The following RPS3A variants were observed in gnomAD, a reference collection of about 807,000 sequenced individuals.
RPS3A encodes ribosomal protein S3A.
Under a neutral mutation model 26.4 loss-of-function variants are expected in RPS3A, and 1 was observed. The observed-to-expected ratio is 0.04, with a 90% CI of 0.01 to 0.18. The LOEUF (loss-of-function observed/expected upper bound fraction) is 0.18, where lower values mean the gene tolerates loss of function less well. Ranked by LOEUF, RPS3A falls within the 10% of genes least tolerant of loss-of-function variation. The pLI, the probability that RPS3A is intolerant of heterozygous loss-of-function variation, is 1.00. For missense variants in RPS3A, 139 were observed against 326.8 expected (o/e 0.43, Z 4.43); for synonymous variants, 97 against 106.1 (o/e 0.91, Z 0.53).
chr4:151,100,532 C>T lies in RPS3A; in HGVS notation c.110C>T (p.Ala37Val). ...GATTGGTATGATGTGAAAGCACCTGCTATGTTCAATATAAGAAATATTGGA... is the reference window on the plus strand; with the variant it reads ...GATTGGTATGATGTGAAAGCACCTGTTATGTTCAATATAAGAAATATTGGA... Reference protein sequence around the residue: ...KKDWYDVKAPAMFNIRNIGKT... With the variant: ...KKDWYDVKAPVMFNIRNIGKT... Residue 37 changes from alanine to valine, a missense_variant, in exon 2 of 6, where the codon GCT (alanine) becomes GTT (valine). This residue lies in a region of RPS3A where 35 missense variants were observed against 60.1 expected (regional missense o/e 0.58). Transcript: ENST00000274065. 2 of 1,609,400 alleles carry T rather than the reference C, an allele frequency of 1.2e-6. No individual in the cohort carries two copies. The highest frequency in any genetic ancestry group is 1.7e-6 in the Non-Finnish European group (2 of 1,175,714).
At position 151,100,964 on chromosome 4, in the gene RPS3A, T is replaced by A; in HGVS notation, c.167-11T>A. On this transcript the variant is annotated splice_polypyrimidine_tract_variant and intron_variant, in intron 2 of 5. Coordinates refer to ENST00000274065, the MANE Select transcript of RPS3A (RefSeq NM_001006.5). ...CCTAAATGTTAAGATACTTGTTTTT[T>A]TCTTTTGTAGAAATTGCATCTGATG... 6.4e-7 allele frequency: 1 copy of A among 1,562,888 alleles called. No homozygotes were observed. The highest frequency in any genetic ancestry group is 8.7e-7 in the Non-Finnish European group (1 of 1,155,182).
intron 1 of RPS3A, chr4:151,099,971 G>C: frequency 1.5e-6 from 1 of 664,798 alleles, no homozygotes; most frequent in Admixed American, 2.0e-5. Context: ...TGGAATGTTA[G>C]TTTTGTGGGC....
intron 5 of RPS3A, 92 bp from the exon 6 acceptor site, chr4:151,104,379 TC>T: frequency 4.0e-6 from 6 of 1,513,128 alleles, no homozygotes; most frequent in Non-Finnish European, 4.4e-6. Context: ...TTCTTTTTCT[TC>T]CTGTCATGCT....
Position 151,103,420 on chromosome 4 carries a change from A to AT in RPS3A, c.563+348dup, listed in dbSNP as rs1561165389. 1.2e-5 allele frequency: 9 copies of AT among 741,680 alleles called. No individual in the cohort carries two copies. The South Asian group carries it at 2.8e-4, about 23-fold the overall frequency. 45.9% of individuals were successfully genotyped at this position (741,680 alleles called of 1,614,324 possible). On this transcript the variant is annotated intron_variant, in intron 4 of 5. Transcript: ENST00000274065. The stretch of plus-strand genomic sequence containing the variant: ...AGGGGACTGCCACCATACCCAGCTA[A>AT]TTTTTTTAAATTTTTAGTAGAGATG...
In RPS3A at chr4:151,104,247, G is replaced by A. The variant is rs772000940; in HGVS notation, c.634G>A (p.Val212Ile). The change falls in exon 5 of 6, where the codon GTT becomes ATT. Residue 212 changes from valine to isoleucine, a missense_variant. Around this residue, in one of 3 missense-constraint regions of RPS3A, gnomAD observed 96 missense variants for 209.8 expected, o/e 0.46. Transcript: ENST00000274065. ...QSIYPLHDVF[V>I]RKVKMLKKPK... ...TATTTATCCTCTCCATGATGTCTTC[G>A]TTAGAAAAGTAAAAATGCTGAAGAA... 7.4e-6 allele frequency: 12 copies of A among 1,613,234 alleles called. No homozygotes were observed. Among genetic ancestry groups the A allele is most frequent in the Non-Finnish European group, 9.3e-6 (11 of 1,179,810 alleles).
chr4:151,103,726 A>T (rs1282802475), intron 4 of RPS3A: 2 of 1,119,920 alleles, frequency 1.8e-6, no homozygotes, highest in Non-Finnish European at 2.3e-6. Context: ...ATATAGGGAG[A>T]CCCTGTCCCA....
rs1747192968 is a variant in RPS3A at position 151,102,873 on chromosome 4, A to T, written c.357A>T (p.Thr119=). Residue 119 remains threonine (T), a splice_region_variant and synonymous_variant, in exon 4 of 6, where the codon ACA becomes ACT. Transcript: ENST00000274065. The part of the protein sequence containing the change: ...KMCSMVKKWQ[T]MIEAHVDVKT... Reference sequence around the variant, plus strand: ...CTGACGGTATCTTTTTTCTCCAGACAATGATTGAAGCTCACGTTGATGTCA... The same window carrying T: ...CTGACGGTATCTTTTTTCTCCAGACTATGATTGAAGCTCACGTTGATGTCA... 1.9e-6 allele frequency: 3 copies of T among 1,609,638 alleles called. No individual in the cohort carries two copies. The highest frequency in any genetic ancestry group is 2.5e-6 in the Non-Finnish European group (3 of 1,177,956).
chr4:151,101,251 T>G (rs1407609419), intron 3 of RPS3A, 89 bp downstream of exon 3: 3 of 734,338 alleles, frequency 4.1e-6, no homozygotes, highest in African/African-American at 1.8e-5. Flanking sequence ...CAAGTTCATT[T>G]TATTTATTTA....
In RPS3A at chr4:151,104,586, C is replaced by A; in HGVS notation, c.788C>A (p.Ser263Tyr). ...ADGYEPPVQESV is the reference protein window; with the variant it reads ...ADGYEPPVQEYV ...GGATATGAACCACCAGTCCAAGAAT[C>A]TGTTTAAAGTTCAGACTTCAAATAG... Residue 263 changes from serine to tyrosine, a missense_variant, in exon 6 of 6, where the codon TCT becomes TAT. Ser to Tyr is a moderately radical substitution (Grantham distance 144). Transcript: ENST00000274065. 6.4e-7 allele frequency: 1 copy of A among 1,566,874 alleles called. No individual in the cohort carries two copies. Among genetic ancestry groups the A allele is most frequent in the South Asian group, 1.2e-5 (1 of 84,688 alleles).
intron 3 of RPS3A, 140 bp from the exon 4 acceptor site, chr4:151,102,731 A>G: frequency 9.7e-7 from 1 of 1,026,234 alleles, no homozygotes; most frequent in Non-Finnish European, 1.4e-6. Flanking sequence ...AATTCTGTAA[A>G]CTTAAAGAGA....
Position 151,104,536 on chromosome 4 carries a change from A to C in RPS3A, c.738A>C (p.Thr246=). 6.4e-7 allele frequency: 1 copy of C among 1,569,898 alleles called. No homozygotes were observed. ...CTGGAAAAGCCACTGGGGACGAGAC[A>C]GGTGCTAAAGTTGAACGAGCTGATG... The part of the protein sequence containing the change: ...SSSGKATGDE[T]GAKVERADGY... The change falls in exon 6 of 6, where the codon ACA becomes ACC. Residue 246 remains threonine (T), a synonymous_variant. Coordinates refer to ENST00000274065, the MANE Select transcript of RPS3A (RefSeq NM_001006.5).
intron 4 of RPS3A, chr4:151,103,521 GT>G: frequency 9.7e-7 from 1 of 1,029,906 alleles, no homozygotes; most frequent in South Asian, 3.3e-5. Context: ...AATGATAACA[GT>G]TTTTTCGTGT....
At chr4:151,099,736 G>A (rs1747028850) in intron 1 of RPS3A, 22 bp downstream of exon 1, 1 of 1,606,228 alleles carries the variant, frequency 6.2e-7, no homozygotes, top group Non-Finnish European at 8.5e-7. Flanking sequence ...CTGTCGTGGC[G>A]TCTTGCTTTT....
chr4:151,103,788 C>G (rs1747235898), intron 4 of RPS3A: 2 of 1,342,582 alleles, frequency 1.5e-6, no homozygotes, highest in Non-Finnish European at 2.0e-6. Context: ...AAAAAATACA[C>G]TGAATAGACA....
chr4:151,103,223 G>A (rs1579558772), intron 4 of RPS3A, 144 bp downstream of exon 4: 2 of 1,373,606 alleles, frequency 1.5e-6, no homozygotes, highest in South Asian at 1.5e-5. Flanking sequence ...AAGTGAAAGA[G>A]TGTTAAGTAC....
At chr4:151,104,072 G>T in intron 4 of RPS3A, 105 bp from the exon 5 acceptor site, 1 of 1,505,612 alleles carries the variant, frequency 6.6e-7, no homozygotes, top group South Asian at 1.4e-5. Context: ...AATGAGGTAG[G>T]TGTTATGTGT....
intron 1 of RPS3A, 30 bp downstream of exon 1, chr4:151,099,744 T>G: frequency 3.1e-6 from 5 of 1,600,560 alleles, no homozygotes; most frequent in Non-Finnish European, 4.3e-6. Flanking sequence ...GCGTCTTGCT[T>G]TTTGGGGGTC....
At chr4:151,099,907 C>T (rs1169321931) in intron 1 of RPS3A, 193 bp downstream of exon 1, 21 of 696,816 alleles carry the variant, frequency 3.0e-5, no homozygotes, top group Non-Finnish European at 5.2e-5. Context: ...CTTTCCCAGG[C>T]CTTCTGGTCC....
chr4:151,099,920 G>A (rs914903646), intron 1 of RPS3A: 1 of 689,428 alleles, frequency 1.5e-6, no homozygotes, highest in South Asian at 1.5e-5. Context: ...TCTGGTCCTT[G>A]CGCGCGTCGC....
Sources: allele counts gnomAD v4.1 joint callset, GRCh38; gene constraint gnomAD v4.1.1; regional missense constraint gnomAD v4.1.1; transcripts MANE v1.5; gene names NCBI Gene and HGNC (gene_info 2026-07-23, HGNC 2026-07-21).